The following NRG3 variants were observed in gnomAD, a reference collection of about 807,000 sequenced individuals.
NRG3 encodes the protein pro-neuregulin-3, membrane-bound isoform.
A neutral mutation model predicts 66.9 loss-of-function variants in NRG3; 31 were observed. The ratio of observed to expected loss-of-function variants is 0.46; its 90% CI spans 0.35 to 0.63. The LOEUF (loss-of-function observed/expected upper bound fraction) is 0.63. NRG3 is among the 20% of genes least tolerant of loss of function. NRG3 has a pLI of 0.00. For missense variants in NRG3, 910 were observed against 878.9 expected (o/e 1.04, Z -0.45); for synonymous variants, 393 against 359.4 (o/e 1.09, Z -1.06).
At chr10:82,959,223 C>T (rs985817866) in intron 6 of NRG3, 148 bp downstream of exon 6, 10 of 760,616 alleles carry the variant, frequency 1.3e-5, no homozygotes, top group Non-Finnish European at 1.7e-5. Flanking sequence ...TGGGCTGGGA[C>T]GTATGCACAC....
chr10:82,039,627 A>G (rs752469099), intron 1 of NRG3, among the ~76,000 whole-genome samples: 4 of 152,134 alleles, frequency 2.6e-5, no homozygotes, highest in Non-Finnish European at 5.9e-5. Context: ...ATTAATTGCT[A>G]CTTAGCTTCA....
chr10:82,770,849 G>C (rs151194164), intron 3 of NRG3, among the ~76,000 whole-genome samples: 5 of 152,056 alleles, frequency 3.3e-5, no homozygotes, highest in Non-Finnish European at 5.9e-5. Context: ...ATACTCAGGA[G>C]CTCTAGGGAA....
At chr10:82,398,526 T>TGTGTGTGTGA (rs373924370) in intron 2 of NRG3, among the ~76,000 whole-genome samples, 14 of 136,586 alleles carry the variant, frequency 1.0e-4, no homozygotes, top group African/African-American at 4.1e-4. Flanking sequence ...TGTGTGTGTG[T>TGTGTGTGTGA]GAGAGAGAGA....
intron 1 of NRG3, among the ~76,000 whole-genome samples, chr10:82,219,736 C>A (rs2075849816): frequency 6.6e-6 from 1 of 151,978 alleles, no homozygotes. Context: ...CAAATTAGTT[C>A]TAGATTCTCA....
rs1290891975 is a variant in NRG3, at chr10:82,030,616, A to T, written c.823+154453A>T. Among the ~76,000 whole-genome samples, 3 of 151,966 alleles carry T rather than the reference A, an allele frequency of 2.0e-5. No homozygotes were observed. In the East Asian group the frequency reaches 5.8e-4, roughly 30 times the overall value. On this transcript the variant is annotated intron_variant, in intron 1 of 8. Transcript: ENST00000372141. ...AGTGAGAGAGCTACTCAGCACTTTA[A>T]TGGAGGATATGATCAAGACTTGATT...
At chr10:82,239,204 A>G (rs957051707) in intron 1 of NRG3, among the ~76,000 whole-genome samples, 59 of 152,074 alleles carry the variant, frequency 3.9e-4, no homozygotes, top group African/African-American at 1.3e-3. Flanking sequence ...CTATGTGTGT[A>G]TATATATGCA....
At chr10:82,774,886 G>A (rs1048213245) in intron 3 of NRG3, among the ~76,000 whole-genome samples, 1 of 120,244 alleles carries the variant, frequency 8.3e-6, no homozygotes, top group African/African-American at 3.3e-5. Context: ...AATGTGGCAT[G>A]ATCTCAGCTC....
At chr10:82,257,798 A>G (rs2077810768) in intron 1 of NRG3, among the ~76,000 whole-genome samples, 1 of 152,192 alleles carries the variant, frequency 6.6e-6, no homozygotes, top group Non-Finnish European at 1.5e-5. Context: ...GATTTTTCCT[A>G]TGATGTCTAT....
chr10:82,564,596 T>G (rs2045270085), intron 2 of NRG3, among the ~76,000 whole-genome samples: 1 of 152,078 alleles, frequency 6.6e-6, no homozygotes, highest in Non-Finnish European at 1.5e-5. Flanking sequence ...ACACTTCTCT[T>G]TGAACCATAG....
chr10:82,427,084 G>T (rs1237790009), intron 2 of NRG3, among the ~76,000 whole-genome samples: 1 of 147,486 alleles, frequency 6.8e-6, no homozygotes, highest in Non-Finnish European at 1.5e-5. Flanking sequence ...GGTATGTGTG[G>T]GTGTGCATTT....
chr10:82,371,072 C>G (rs1275522573), intron 2 of NRG3, among the ~76,000 whole-genome samples: 1 of 152,020 alleles, frequency 6.6e-6, no homozygotes, highest in Non-Finnish European at 1.5e-5. Context: ...AAAGTTCCTT[C>G]TTGTCAATAA....
intron 1 of NRG3, among the ~76,000 whole-genome samples, chr10:82,078,791 G>A (rs2065230952): frequency 6.6e-6 from 1 of 152,190 alleles, no homozygotes; most frequent in African/African-American, 2.4e-5. Context: ...CTGTCTAATG[G>A]TGTGGGGCTC....
At chr10:81,964,193 G>A (rs1329214455) in intron 1 of NRG3, among the ~76,000 whole-genome samples, 1 of 151,882 alleles carries the variant, frequency 6.6e-6, no homozygotes, top group Non-Finnish European at 1.5e-5. Flanking sequence ...TACTCCAATG[G>A]AATCATATTC....
intron 2 of NRG3, among the ~76,000 whole-genome samples, chr10:82,489,230 G>C (rs1842912547): frequency 6.6e-6 from 1 of 152,176 alleles, no homozygotes; most frequent in Non-Finnish European, 1.5e-5. Flanking sequence ...ATACTATTCA[G>C]TTCCTATATT....
intron 2 of NRG3, among the ~76,000 whole-genome samples, chr10:82,577,575 C>T (rs1258901588): frequency 6.6e-6 from 1 of 151,576 alleles, no homozygotes; most frequent in African/African-American, 2.4e-5. Flanking sequence ...TCAGAAGGAT[C>T]CCTACATTTA....
At chr10:82,301,132 G>A (rs553704405) in intron 1 of NRG3, among the ~76,000 whole-genome samples, 23 of 152,246 alleles carry the variant, frequency 1.5e-4, no homozygotes, top group African/African-American at 4.6e-4. Context: ...TAACAGTGGC[G>A]TGTGACATCT....
chr10:82,723,259 A>C (rs773471714), intron 2 of NRG3, among the ~76,000 whole-genome samples: 1 of 152,184 alleles, frequency 6.6e-6, no homozygotes, highest in Admixed American at 6.5e-5. Context: ...TGAAAACTGA[A>C]CAATGGGTTT....
intron 1 of NRG3, among the ~76,000 whole-genome samples, chr10:81,883,883 C>G (rs10883866): frequency 0.13 from 19,240 of 151,916 alleles, 1,262 homozygotes; most frequent in South Asian, 0.18. Context: ...GATAATCAGT[C>G]TTGGAAGGGG....
chr10:82,545,197 G>A (rs2043809621), intron 2 of NRG3, among the ~76,000 whole-genome samples: 1 of 151,818 alleles, frequency 6.6e-6, no homozygotes, highest in African/African-American at 2.4e-5. Flanking sequence ...TTTTCTTTTT[G>A]GATGGGTGGG....
Sources: gnomAD v4.1 joint callset for allele counts (sites outside exome capture counted in the v4.1 genomes callset) on GRCh38, gnomAD v4.1.1 for gene constraint, MANE v1.5 for transcripts, NCBI Gene and HGNC (gene_info 2026-07-23, HGNC 2026-07-21) for gene names.